INPP4B: variants seen among roughly 807,000 people sequenced by gnomAD.
INPP4B encodes the protein inositol polyphosphate-4-phosphatase type II B, also known as inositol polyphosphate 4-phosphatase type II.
In INPP4B, 55 loss-of-function variants were observed where a neutral mutation model predicts 122.5. The ratio of observed to expected loss-of-function variants is 0.45; its 90% CI spans 0.36 to 0.56. The LOEUF is 0.56. Ranked by LOEUF, INPP4B falls within the 20% of genes least tolerant of loss-of-function variation. The pLI is 0.00. For synonymous variants in INPP4B, 403 were observed against 388.7 expected (o/e 1.04, Z -0.43); for missense variants, 1,000 against 1,097.7 (o/e 0.91, Z 1.26).
chr4:142,782,917 G>C (rs1016863320), intron 1 of INPP4B, among the ~76,000 whole-genome samples: 14 of 151,570 alleles, frequency 9.2e-5, no homozygotes, highest in Admixed American at 9.2e-4. Flanking sequence ...ATGGGGAAAG[G>C]ATTCCCTATT....
At chr4:142,447,819 G>A (rs979753831) in intron 3 of INPP4B, among the ~76,000 whole-genome samples, 3 of 152,050 alleles carry the variant, frequency 2.0e-5, no homozygotes, top group African/African-American at 7.2e-5. Flanking sequence ...CCTGCCTCTG[G>A]GCTCTCTGAT....
At chr4:142,698,843 T>C (rs1580729583) in intron 2 of INPP4B, among the ~76,000 whole-genome samples, 1 of 152,298 alleles carries the variant, frequency 6.6e-6, no homozygotes, top group South Asian at 2.1e-4. Context: ...TAAGAACTTA[T>C]CATTTGGAGG....
At position 142,654,245 on chromosome 4, in the gene INPP4B, T is replaced by G. The variant is rs571226788; in HGVS notation, c.-191+71594A>C. On this transcript the variant is annotated intron_variant, in intron 2 of 25. Transcript: ENST00000262992. ...AGTGGGTAGGGGGCTCGGGAAGGGA[T>G]AGAATTAGGAGAAATACCTAATGTA... Among the ~76,000 whole-genome samples, 5 of 150,972 alleles carry G rather than the reference T, an allele frequency of 3.3e-5. No homozygotes were observed. The Admixed American group carries it at 3.3e-4, about 10-fold the overall frequency.
At chr4:142,535,498 T>C (rs1488453052) in intron 2 of INPP4B, among the ~76,000 whole-genome samples, 1 of 152,308 alleles carries the variant, frequency 6.6e-6, no homozygotes, top group East Asian at 1.9e-4. Flanking sequence ...GTGAGCAGTT[T>C]GCTTGGCCAC....
chr4:142,163,324 G>T (rs781160026), intron 16 of INPP4B, among the ~76,000 whole-genome samples: 1 of 151,834 alleles, frequency 6.6e-6, no homozygotes, highest in Non-Finnish European at 1.5e-5. Context: ...GATATAAATC[G>T]CCCAGTGTAT....
chr4:142,413,819 G>A (rs952430856), intron 5 of INPP4B, among the ~76,000 whole-genome samples: 1 of 152,038 alleles, frequency 6.6e-6, no homozygotes, highest in African/African-American at 2.4e-5. Flanking sequence ...AGCAATCTGA[G>A]TTAATTTGTT....
chr4:142,538,246 T>C (rs187946158), intron 2 of INPP4B, among the ~76,000 whole-genome samples: 3 of 152,232 alleles, frequency 2.0e-5, no homozygotes, highest in African/African-American at 7.2e-5. Flanking sequence ...GATTGCTAAA[T>C]TGGTTAAATC....
At chr4:142,190,359 C>A (rs113010579) in intron 15 of INPP4B, among the ~76,000 whole-genome samples, 1 of 152,136 alleles carries the variant, frequency 6.6e-6, no homozygotes, top group African/African-American at 2.4e-5. Flanking sequence ...TACTTCTATA[C>A]ATTGCTGTTG....
At chr4:142,113,200 A>C (rs925232416) in intron 21 of INPP4B, among the ~76,000 whole-genome samples, 5 of 152,080 alleles carry the variant, frequency 3.3e-5, no homozygotes, top group African/African-American at 9.6e-5. Context: ...AATTCTGGTC[A>C]TTTTGAAACA....
At chr4:142,147,802 G>C (rs1330821408) in intron 17 of INPP4B, among the ~76,000 whole-genome samples, 1 of 152,084 alleles carries the variant, frequency 6.6e-6, no homozygotes, top group African/African-American at 2.4e-5. Context: ...TTACCTCTAA[G>C]AAAAATTTAA....
chr4:142,612,705 T>A (rs1261852240), intron 2 of INPP4B, among the ~76,000 whole-genome samples: 1 of 152,148 alleles, frequency 6.6e-6, no homozygotes. Context: ...CCCTGGGGCC[T>A]TTTTTATGAG....
intron 2 of INPP4B, chr4:142,566,258 T>C (rs762683935): frequency 4.6e-5 from 7 of 152,170 alleles, no homozygotes; most frequent in Non-Finnish European, 1.0e-4. Flanking sequence ...AAGTGATCTA[T>C]TACATTATTT....
chr4:142,053,610 A>G (rs1755855769), intron 25 of INPP4B, among the ~76,000 whole-genome samples: 1 of 142,396 alleles, frequency 7.0e-6, no homozygotes, highest in East Asian at 2.1e-4. Context: ...TTCTCAGAAA[A>G]TACTTTACTT....
chr4:142,398,402 ATATAT>A (rs1423488880), intron 7 of INPP4B, among the ~76,000 whole-genome samples: 56 of 6,372 alleles, frequency 8.8e-3, no homozygotes, highest in Non-Finnish European at 0.011. Context: ...AAAAAAAAAA[ATATAT>A]ATATATATAT....
chr4:142,644,037 CA>C (rs1019519235), intron 2 of INPP4B, among the ~76,000 whole-genome samples: 21 of 151,870 alleles, frequency 1.4e-4, no homozygotes, highest in Admixed American at 1.4e-3. Context: ...CCCATTTCTA[CA>C]AAAACTAAAA....
chr4:142,699,692 C>T (rs1339782690), intron 2 of INPP4B, among the ~76,000 whole-genome samples: 1 of 152,176 alleles, frequency 6.6e-6, no homozygotes, highest in African/African-American at 2.4e-5. Flanking sequence ...CTTTATGTCT[C>T]TCTGACACTG....
intron 2 of INPP4B, among the ~76,000 whole-genome samples, chr4:142,564,791 AG>A (rs1360951968): frequency 6.6e-6 from 1 of 152,080 alleles, no homozygotes; most frequent in African/African-American, 2.4e-5. Flanking sequence ...GAATGGGAGG[AG>A]TCCAGTAGTG....
At chr4:142,259,986 T>C (rs1168510193) in intron 11 of INPP4B, among the ~76,000 whole-genome samples, 1 of 151,674 alleles carries the variant, frequency 6.6e-6, no homozygotes, top group Non-Finnish European at 1.5e-5. Flanking sequence ...ATATTTGTTT[T>C]TTGTTCATTT....
intron 1 of INPP4B, among the ~76,000 whole-genome samples, chr4:142,757,175 T>C (rs554323164): frequency 6.6e-6 from 1 of 152,250 alleles, no homozygotes; most frequent in African/African-American, 2.4e-5. Context: ...AGTTGTCATA[T>C]ACCCCTTCCT....
Sources: allele counts gnomAD v4.1 joint callset (sites outside exome capture counted in the v4.1 genomes callset), GRCh38; gene constraint gnomAD v4.1.1; transcripts MANE v1.5; gene names NCBI Gene and HGNC (gene_info 2026-07-23, HGNC 2026-07-21).